Variants in CENPO observed in about 807,000 individuals in gnomAD.
CENPO encodes the protein centromere protein O, also known as centromeric protein O.
A neutral mutation model predicts 36.1 loss-of-function variants in CENPO; 30 were observed. The ratio of observed to expected loss-of-function variants is 0.83; its 90% CI spans 0.62 to 1.13. The LOEUF (loss-of-function observed/expected upper bound fraction) is 1.13. Among genes scored for constraint, CENPO ranks in the 50% most tolerant of loss-of-function variants. The pLI, the probability that CENPO is intolerant of heterozygous loss-of-function variation, is 0.00. For missense variants in CENPO, 349 were observed against 357.8 expected (o/e 0.98, Z 0.20); for synonymous variants, 171 against 142.3 (o/e 1.20, Z -1.44).
At chr2:24,814,312 G>A in intron 3 of CENPO, 64 bp from the exon 4 acceptor site, 1 of 812,702 alleles carries the variant, frequency 1.2e-6, no homozygotes, top group South Asian at 1.3e-5. Context: ...ATCCAGTTGG[G>A]GGAGGGCGGG....
rs766688755 is a variant in CENPO at position 24,814,402 on chromosome 2, A to G, written c.243A>G (p.Glu81=). Residue 81 remains glutamate, a synonymous_variant, in exon 4 of 8, where the codon GAA becomes GAG. Coordinates refer to ENST00000380834, the MANE Select transcript of CENPO (RefSeq NM_001322101.2). ...ASVKACIANV[E]PNQTVEINEQ... is the part of the protein sequence containing the mutation. ...TGAAAGCATGTATTGCCAATGTAGA[A>G]CCCAACCAAACAGTGGAGATCAATG... 12 of 1,599,030 alleles carry G rather than the reference A, an allele frequency of 7.5e-6. No individual in the cohort carries two copies. The highest frequency in any genetic ancestry group is 1.0e-5 in the Non-Finnish European group (12 of 1,166,208).
In CENPO at chr2:24,821,453, G is replaced by C; in HGVS notation, c.*2135G>C. On this transcript the variant is annotated 3_prime_UTR_variant, in exon 8 of 8. Coordinates refer to ENST00000380834, the MANE Select transcript of CENPO (RefSeq NM_001322101.2). ...TCCTGAGCCTCATGTCTCTCCTGGT[G>C]GTGGGCCAGGCCCCTGCATGGGAAG... 3 of 1,591,318 alleles carry C rather than the reference G, an allele frequency of 1.9e-6. No homozygotes were observed. The highest frequency in any genetic ancestry group is 2.6e-6 in the Non-Finnish European group (3 of 1,166,664).
chr2:24,821,429 C>T lies in CENPO; in HGVS notation c.*2111C>T. ...TCCCCACCCGAATTGCCTCAGTTGT[C>T]CTGAGCCTCATGTCTCTCCTGGTGG... On this transcript the variant is annotated 3_prime_UTR_variant, in exon 8 of 8. Coordinates refer to ENST00000380834, the MANE Select transcript of CENPO (RefSeq NM_001322101.2). The T allele has an allele frequency of 6.4e-7, 1 of 1,556,552 alleles. No individual in the cohort carries two copies. The highest frequency in any genetic ancestry group is 8.7e-7 in the Non-Finnish European group (1 of 1,146,918).
At chr2:24,806,021 G>A (rs1445511402) in intron 3 of CENPO, among the ~76,000 whole-genome samples, 1 of 152,232 alleles carries the variant, frequency 6.6e-6, no homozygotes, top group African/African-American at 2.4e-5. Context: ...GCCTCGGCAA[G>A]GGCGGGCGCC....
rs761612616 is a variant in CENPO, at chr2:24,820,844, C to T, written c.*1526C>T. The T allele has an allele frequency of 5.0e-6, 8 of 1,613,956 alleles. No homozygotes were observed. In the Middle Eastern group the frequency reaches 4.9e-4, roughly 100 times the overall value. On this transcript the variant is annotated 3_prime_UTR_variant, in exon 8 of 8. Coordinates refer to ENST00000380834, the MANE Select transcript of CENPO (RefSeq NM_001322101.2). ...CCCCAGCCAGAACCCCGCCTTTGTT[C>T]ATGCCTAGGGTAGAGGCATAAAGTT...
chr2:24,811,516 C>T (rs1666690275), intron 3 of CENPO, among the ~76,000 whole-genome samples: 1 of 150,536 alleles, frequency 6.6e-6, no homozygotes. Context: ...GGCTGGAGTG[C>T]AGTGGTGCGG....
At chr2:24,801,169 G>A (rs894331121) in intron 3 of CENPO, among the ~76,000 whole-genome samples, 6 of 152,206 alleles carry the variant, frequency 3.9e-5, no homozygotes, top group Admixed American at 1.3e-4. Context: ...CTTTTTGATG[G>A]GGTTGTTTGT....
At position 24,793,910 on chromosome 2, in the gene CENPO, G is replaced by A; in HGVS notation, c.-10G>A. 1 of 1,614,188 alleles carries A rather than the reference G, an allele frequency of 6.2e-7. No homozygotes were observed. The highest frequency in any genetic ancestry group is 8.5e-7 in the Non-Finnish European group (1 of 1,180,010). ...AGACAACTTCATGGGAAGGCCCTTG[G>A]GAATCTGAGATGGAGCAGGCGAACC... On this transcript the variant is annotated 5_prime_UTR_variant, in exon 2 of 8. Coordinates refer to ENST00000380834, the MANE Select transcript of CENPO (RefSeq NM_001322101.2).
chr2:24,793,621 A>C, intron 1 of CENPO, 120 bp downstream of exon 1: 1 of 1,424,446 alleles, frequency 7.0e-7, no homozygotes, highest in South Asian at 1.5e-5. Flanking sequence ...GCTGGACCAG[A>C]GTAGCCGTGG....
rs967458061 is a variant in CENPO, at chr2:24,798,095, A to G, written c.47-1580A>G. Among the ~76,000 whole-genome samples the G allele has an allele frequency of 5.3e-5, 8 of 152,202 alleles. No individual in the cohort carries two copies. The East Asian group carries it at 7.7e-4, about 15-fold the overall frequency. ...AGTAAGTGTAATGCAAATACTCCCA[A>G]TTCCGAAATCTGAAACACCTCTAGT... On this transcript the variant is annotated intron_variant, in intron 2 of 7. Transcript: ENST00000380834.
At chr2:24,812,419 G>A (rs1174821823) in intron 3 of CENPO, among the ~76,000 whole-genome samples, 1 of 151,474 alleles carries the variant, frequency 6.6e-6, no homozygotes. Flanking sequence ...ATCCTGTTTG[G>A]TGCTTGTAAA....
At position 24,820,197 on chromosome 2, in the gene CENPO, C is replaced by G; in HGVS notation, c.*879C>G. On this transcript the variant is annotated 3_prime_UTR_variant, in exon 8 of 8. Coordinates refer to ENST00000380834, the MANE Select transcript of CENPO (RefSeq NM_001322101.2). ...GGGTGGGGGCTTTGGGTGGTTGGAG[C>G]CGAGCACTGATCCATGGGTCCCAAG... is the stretch of plus-strand genomic sequence containing the variant. 6.2e-6 allele frequency: 8 copies of G among 1,287,550 alleles called. No individual in the cohort carries two copies. The highest frequency in any genetic ancestry group is 8.4e-6 in the Non-Finnish European group (8 of 949,124). The allele number at this position is 1,287,550 out of a possible 1,614,324, so 79.8% of individuals were successfully genotyped here.
chr2:24,815,055 T>C (rs1181400924), intron 4 of CENPO, among the ~76,000 whole-genome samples: 1 of 151,984 alleles, frequency 6.6e-6, no homozygotes, highest in Non-Finnish European at 1.5e-5. Flanking sequence ...CTGGGCAACA[T>C]AGCAAGACCT....
intron 3 of CENPO, among the ~76,000 whole-genome samples, chr2:24,812,435 TTTAA>T (rs1027798810): frequency 6.6e-4 from 101 of 152,160 alleles, no homozygotes; most frequent in African/African-American, 2.3e-3. Context: ...GTAAAGCTTC[TTTAA>T]TTGATGTTTT....
intron 3 of CENPO, among the ~76,000 whole-genome samples, chr2:24,800,581 G>GT (rs1553325184): frequency 6.6e-6 from 1 of 150,396 alleles, no homozygotes; most frequent in Non-Finnish European, 1.5e-5. Flanking sequence ...GCGGTGTTTG[G>GT]TTTTTTGTCC....
chr2:24,817,902 C>T, intron 7 of CENPO, 61 bp downstream of exon 7: 2 of 1,372,436 alleles, frequency 1.5e-6, no homozygotes, highest in Non-Finnish European at 2.0e-6. Flanking sequence ...AAGGGTACAT[C>T]ACCCTTCTGA....
intron 6 of CENPO, 46 bp from the exon 7 acceptor site, chr2:24,817,624 T>A: frequency 6.2e-7 from 1 of 1,611,922 alleles, no homozygotes; most frequent in Non-Finnish European, 8.5e-7. Flanking sequence ...CAGGCTCCGA[T>A]TCCCCCAGCT....
At chr2:24,813,509 A>G (rs957045915) in intron 3 of CENPO, among the ~76,000 whole-genome samples, 1 of 152,164 alleles carries the variant, frequency 6.6e-6, no homozygotes, top group Middle Eastern at 3.4e-3. Context: ...TGTTCTAGCA[A>G]AATCTCTGCT....
chr2:24,800,256 G>GA (rs1666102288), intron 3 of CENPO, among the ~76,000 whole-genome samples: 1 of 152,202 alleles, frequency 6.6e-6, no homozygotes, highest in Non-Finnish European at 1.5e-5. Flanking sequence ...TCCAGCCTGG[G>GA]AAACAGAGTG....
Sources: allele counts gnomAD v4.1 joint callset (sites outside exome capture counted in the v4.1 genomes callset), GRCh38; gene constraint gnomAD v4.1.1; transcripts MANE v1.5; gene names NCBI Gene and HGNC (gene_info 2026-07-23, HGNC 2026-07-21).